GARIN5B: variants seen among roughly 807,000 people sequenced by gnomAD.
GARIN5B encodes the protein golgi associated RAB2 interactor family member 5B.
At chr19:55,360,753 G>T in the GARIN5B span, 1 of 1,551,758 alleles carries the variant, frequency 6.4e-7, no homozygotes, top group South Asian at 1.2e-5. Flanking sequence ...TGGTCCAGGT[G>T]GTGATGCTGG....
the GARIN5B span, chr19:55,358,185 C>T: frequency 3.3e-6 from 5 of 1,534,070 alleles, no homozygotes; most frequent in Non-Finnish European, 4.4e-6. Context: ...TCCTGTATCT[C>T]CTCTGCCTTG....
chr19:55,358,830 C>T, the GARIN5B span: 26 of 1,546,236 alleles, frequency 1.7e-5, 1 homozygote, highest in Admixed American at 1.8e-4. Context: ...GGGCCCTCGA[C>T]GGCCAGTTCC....
the GARIN5B span, chr19:55,355,448 C>A: frequency 8.2e-7 from 1 of 1,222,324 alleles, no homozygotes; most frequent in Non-Finnish European, 1.2e-6. Context: ...AGGAGAGCGT[C>A]CCCCAGGGCG....
At chr19:55,361,411 T>G in the GARIN5B span, 1 of 1,520,674 alleles carries the variant, frequency 6.6e-7, no homozygotes, top group Admixed American at 2.1e-5. Flanking sequence ...CCTGCTCACC[T>G]GCATGTCTGC....
the GARIN5B span, among the ~76,000 whole-genome samples, chr19:55,361,873 C>T: frequency 1.7e-5 from 2 of 120,332 alleles, no homozygotes; most frequent in Non-Finnish European, 1.8e-5. Context: ...CCTTCACCCT[C>T]AGACCCAGGA....
the GARIN5B span, chr19:55,362,275 G>A: frequency 1.3e-6 from 2 of 1,544,414 alleles, no homozygotes; most frequent in African/African-American, 2.7e-5. Flanking sequence ...CAGGCGCTTC[G>A]GCCAGCGGCA....
At chr19:55,355,145 C>T in the GARIN5B span, 98 of 114,686 alleles carry the variant, frequency 8.5e-4, no homozygotes, top group African/African-American at 3.1e-3. Flanking sequence ...CTCCTGGGAA[C>T]CCCCCCGCCC....
At chr19:55,363,030 G>A in the GARIN5B span, 1 of 1,496,260 alleles carries the variant, frequency 6.7e-7, no homozygotes, top group Non-Finnish European at 8.9e-7. The surrounding 1 kb of genome is among the most constrained non-coding windows in gnomAD (Gnocchi z 4.0). Context: ...GTGCCCTGGA[G>A]CGGCTCAAGG....
chr19:55,358,708 G>A, the GARIN5B span: 4 of 1,550,802 alleles, frequency 2.6e-6, no homozygotes, highest in East Asian at 9.8e-5. Context: ...AGAGCCAGGA[G>A]GGAAGTGAGA....
At chr19:55,357,488 G>A in the GARIN5B span, among the ~76,000 whole-genome samples, 3 of 152,128 alleles carry the variant, frequency 2.0e-5, no homozygotes, top group Admixed American at 6.5e-5. Flanking sequence ...TGTTCCTTCC[G>A]CTGGGATGCT....
chr19:55,357,276 T>G, the GARIN5B span, among the ~76,000 whole-genome samples: 3 of 152,118 alleles, frequency 2.0e-5, no homozygotes, highest in Non-Finnish European at 2.9e-5. Context: ...AGAGGCAGCC[T>G]CTTCACACAT....
chr19:55,357,431 G>A, the GARIN5B span, among the ~76,000 whole-genome samples: 2 of 152,150 alleles, frequency 1.3e-5, no homozygotes, highest in African/African-American at 2.4e-5. Context: ...CGGGATCCCC[G>A]TGGTCCAGCA....
chr19:55,358,317 T>C, the GARIN5B span: 1 of 1,541,456 alleles, frequency 6.5e-7, no homozygotes, highest in Non-Finnish European at 8.8e-7. Flanking sequence ...GACACCCTCT[T>C]GGGCTGCTGG....
the GARIN5B span, chr19:55,358,835 A>T: frequency 1.0e-5 from 16 of 1,546,662 alleles, no homozygotes; most frequent in South Asian, 1.9e-4. Flanking sequence ...CTCGACGGCC[A>T]GTTCCTTGGC....
the GARIN5B span, chr19:55,359,394 C>A: frequency 6.5e-7 from 1 of 1,549,746 alleles, no homozygotes; most frequent in East Asian, 2.4e-5. Context: ...ACGGCTGAGG[C>A]CTTTCGGGGA....
chr19:55,362,982 T>A, the GARIN5B span: 1 of 1,484,226 alleles, frequency 6.7e-7, no homozygotes, highest in Admixed American at 2.8e-5. Context: ...TTCTGGAGGG[T>A]CTTTTGCAGC....
At chr19:55,361,911 A>C in the GARIN5B span, among the ~76,000 whole-genome samples, 1 of 120,900 alleles carries the variant, frequency 8.3e-6, no homozygotes, top group Non-Finnish European at 1.8e-5. Context: ...CCTCCGTCAG[A>C]CCCAGGAGTC....
At chr19:55,361,545 C>T in the GARIN5B span, 1 of 1,160,436 alleles carries the variant, frequency 8.6e-7, no homozygotes, top group South Asian at 1.8e-5. Flanking sequence ...TCCAGCTCCT[C>T]CTGCCTCAGA....
At chr19:55,361,290 G>A in the GARIN5B span, 1 of 1,546,274 alleles carries the variant, frequency 6.5e-7, no homozygotes, top group South Asian at 1.2e-5. Context: ...AGGGCACGAG[G>A]ACCTACCCCA....
Sources: gnomAD v4.1 joint callset for allele counts (sites outside exome capture counted in the v4.1 genomes callset) on GRCh38, gnomAD v4.1.1 for gene constraint, Gnocchi (gnomAD v3.1) non-coding constraint, MANE v1.5 for transcripts, NCBI Gene and HGNC (gene_info 2026-07-23, HGNC 2026-07-21) for gene names.